H2BK1: variants seen among roughly 807,000 people sequenced by gnomAD.
The protein encoded by H2BK1 is H2B.K variant histone 1.
the H2BK1 span, chr7:151,207,958 AG>A: frequency 7.4e-7 from 1 of 1,357,134 alleles, no homozygotes; most frequent in Non-Finnish European, 1.1e-6. Flanking sequence ...GCAGACGCAC[AG>A]CCGTCTGGAC....
the H2BK1 span, chr7:151,210,257 T>C: frequency 2.5e-6 from 1 of 399,140 alleles, no homozygotes; most frequent in East Asian, 3.6e-5. Flanking sequence ...GGACTTTTTG[T>C]TCCCAGAACT....
chr7:151,209,468 C>T, the H2BK1 span, among the ~76,000 whole-genome samples: 8,208 of 152,288 alleles, frequency 0.054, 297 homozygotes, highest in Admixed American at 0.1. Context: ...TGGCTACCCC[C>T]GCCTCCTCCT....
At chr7:151,208,200 T>C in the H2BK1 span, 11 of 1,333,810 alleles carry the variant, frequency 8.2e-6, no homozygotes, top group Admixed American at 7.5e-5. Flanking sequence ...AGCTGGGGGC[T>C]CTAGGAAGCC....
chr7:151,210,186 C>A, the H2BK1 span: 1 of 399,124 alleles, frequency 2.5e-6, no homozygotes, highest in Non-Finnish European at 4.4e-6. Context: ...TATGCACTCA[C>A]CTGCTTCAGC....
At chr7:151,210,332 G>A in the H2BK1 span, 3 of 369,734 alleles carry the variant, frequency 8.1e-6, 1 homozygote, top group Admixed American at 9.1e-5. Flanking sequence ...CCTGCTTCTC[G>A]AATAGCCCTC....
chr7:151,210,243 T>A, the H2BK1 span: 1 of 399,206 alleles, frequency 2.5e-6, no homozygotes. Flanking sequence ...CGACAGCGCT[T>A]TTTGGACTTT....
chr7:151,208,080 T>A, the H2BK1 span: 1 of 1,614,038 alleles, frequency 6.2e-7, no homozygotes. Context: ...CTCATGGCCT[T>A]GGCAGAGATG....
chr7:151,208,184 G>A, the H2BK1 span: 9 of 1,478,890 alleles, frequency 6.1e-6, no homozygotes, highest in Non-Finnish European at 8.5e-6. Context: ...GCAAGCCTCA[G>A]CCCTGAGCTG....
the H2BK1 span, among the ~76,000 whole-genome samples, chr7:151,209,133 CTG>C: frequency 3.3e-5 from 5 of 152,112 alleles, no homozygotes; most frequent in Non-Finnish European, 7.4e-5. Flanking sequence ...GCACTCTCCT[CTG>C]TGAGTACAGG....
At chr7:151,209,781 A>T in the H2BK1 span, among the ~76,000 whole-genome samples, 1 of 152,084 alleles carries the variant, frequency 6.6e-6, no homozygotes, top group East Asian at 1.9e-4. Context: ...ACTTGTCCAG[A>T]AGACCTTCCC....
At chr7:151,210,411 TGGGAGG>T in the H2BK1 span, 1,869 of 113,544 alleles carry the variant, frequency 0.016, 54 homozygotes, top group African/African-American at 0.083. Flanking sequence ...GACATGCACC[TGGGAGG>T]GGGGGGGGGG....
At chr7:151,210,235 A>T in the H2BK1 span, 1 of 399,180 alleles carries the variant, frequency 2.5e-6, no homozygotes. Context: ...CCTTGCGCCG[A>T]CAGCGCTTTT....
the H2BK1 span, among the ~76,000 whole-genome samples, chr7:151,208,830 A>C: frequency 6.6e-6 from 1 of 152,182 alleles, no homozygotes; most frequent in African/African-American, 2.4e-5. Context: ...TCTCTACTAA[A>C]GCAAATGGGA....
At chr7:151,207,914 G>T in the H2BK1 span, 1 of 1,148,986 alleles carries the variant, frequency 8.7e-7, no homozygotes, top group Non-Finnish European at 1.3e-6. Context: ...GGTGCCCTCA[G>T]ACACAGCGTG....
the H2BK1 span, among the ~76,000 whole-genome samples, chr7:151,209,721 G>GT: frequency 2.0e-5 from 3 of 152,094 alleles, no homozygotes; most frequent in South Asian, 2.1e-4. Context: ...GCCTCAAGCT[G>GT]TTTGTCTATA....
chr7:151,209,517 G>C, the H2BK1 span, among the ~76,000 whole-genome samples: 1 of 152,202 alleles, frequency 6.6e-6, no homozygotes, highest in African/African-American at 2.4e-5. Context: ...GGATCCTCCA[G>C]ACAAATTGAT....
chr7:151,208,178 G>A, the H2BK1 span: 4 of 1,514,412 alleles, frequency 2.6e-6, no homozygotes, highest in Non-Finnish European at 3.7e-6. Context: ...TACACTGCAA[G>A]CCTCAGCCCT....
the H2BK1 span, chr7:151,207,924 G>A: frequency 8.4e-7 from 1 of 1,193,064 alleles, no homozygotes; most frequent in East Asian, 2.3e-5. Context: ...GACACAGCGT[G>A]CTTGGCCAGC....
At chr7:151,207,884 G>A in the H2BK1 span, 1 of 1,010,760 alleles carries the variant, frequency 9.9e-7, no homozygotes, top group South Asian at 1.3e-5. Flanking sequence ...CTTGGAGCTG[G>A]TGTACTTGGT....
Sources: allele counts gnomAD v4.1 joint callset (sites outside exome capture counted in the v4.1 genomes callset), GRCh38; gene constraint gnomAD v4.1.1; transcripts MANE v1.5; gene names NCBI Gene and HGNC (gene_info 2026-07-23, HGNC 2026-07-21).